The following SCHIP1 variants were observed in gnomAD, a reference collection of about 807,000 sequenced individuals.
The protein encoded by SCHIP1 is schwannomin-interacting protein 1.
Under a neutral mutation model 29.7 loss-of-function variants are expected in SCHIP1, and 8 were observed. The ratio of observed to expected loss-of-function variants is 0.27; its 90% CI spans 0.16 to 0.49. The LOEUF (loss-of-function observed/expected upper bound fraction) is 0.49, where lower values mean the gene tolerates loss of function less well. SCHIP1 is among the 20% of genes least tolerant of loss of function. The pLI is 0.99. For synonymous variants in SCHIP1, 76 were observed against 94.9 expected, an observed-to-expected ratio of 0.80 and a Z score of 1.16; for missense variants, 193 against 294.6, an observed-to-expected ratio of 0.66 and a Z score of 2.52.
intron 1 of SCHIP1, among the ~76,000 whole-genome samples, chr3:159,860,739 A>G (rs1369142776): frequency 6.6e-6 from 1 of 152,176 alleles, no homozygotes; most frequent in African/African-American, 2.4e-5. Context: ...CCTTCCCACA[A>G]CTGAATCTTG....
the SCHIP1 span, among the ~76,000 whole-genome samples, chr3:159,293,760 T>C: frequency 6.6e-6 from 1 of 152,134 alleles, no homozygotes; most frequent in Admixed American, 6.5e-5. Flanking sequence ...TCAAGATGTC[T>C]TTCAGACAAT....
At chr3:159,404,419 C>G in the SCHIP1 span, among the ~76,000 whole-genome samples, 1 of 152,238 alleles carries the variant, frequency 6.6e-6, no homozygotes, top group African/African-American at 2.4e-5. Context: ...CTGAAGGGAG[C>G]GTCCTAGGCC....
At chr3:159,540,228 T>A in the SCHIP1 span, among the ~76,000 whole-genome samples, 1 of 151,908 alleles carries the variant, frequency 6.6e-6, no homozygotes. Context: ...CTGATGTTTT[T>A]TAAAAAAGAG....
the SCHIP1 span, among the ~76,000 whole-genome samples, chr3:159,287,487 G>T: frequency 1.3e-5 from 2 of 151,742 alleles, no homozygotes; most frequent in African/African-American, 2.4e-5. Flanking sequence ...AATTTGTGTT[G>T]AAGAAAATTT....
the SCHIP1 span, among the ~76,000 whole-genome samples, chr3:159,417,950 G>T: frequency 9.9e-5 from 15 of 152,104 alleles, 1 homozygote; most frequent in African/African-American, 3.1e-4. Flanking sequence ...CCAACAGCCT[G>T]CCAACAACAT....
the SCHIP1 span, among the ~76,000 whole-genome samples, chr3:159,580,421 G>C: frequency 6.6e-6 from 1 of 152,174 alleles, no homozygotes; most frequent in Non-Finnish European, 1.5e-5. Flanking sequence ...CTTTCAACTG[G>C]AGGAAGAAGC....
chr3:159,562,994 A>G, the SCHIP1 span, among the ~76,000 whole-genome samples: 8 of 152,328 alleles, frequency 5.3e-5, 1 homozygote, highest in Middle Eastern at 6.8e-3. Context: ...TACCTTTCTC[A>G]TGGAAACTTA....
At chr3:159,481,109 T>A in the SCHIP1 span, among the ~76,000 whole-genome samples, 1 of 152,160 alleles carries the variant, frequency 6.6e-6, no homozygotes, top group Non-Finnish European at 1.5e-5. Context: ...GATTCTTCAG[T>A]TACTTCAGGC....
the SCHIP1 span, among the ~76,000 whole-genome samples, chr3:159,581,276 G>A: frequency 6.6e-6 from 1 of 152,144 alleles, no homozygotes; most frequent in African/African-American, 2.4e-5. Context: ...TGAGTTTCCT[G>A]GATTTTCTGT....
chr3:159,733,253 T>C, the SCHIP1 span, among the ~76,000 whole-genome samples: 448 of 152,286 alleles, frequency 2.9e-3, 2 homozygotes, highest in African/African-American at 0.01. Flanking sequence ...TGGAGCCTGG[T>C]ACAATATTAA....
the SCHIP1 span, among the ~76,000 whole-genome samples, chr3:159,526,453 G>T: frequency 6.6e-6 from 1 of 152,172 alleles, no homozygotes; most frequent in East Asian, 1.9e-4. Flanking sequence ...ACAGGAATGA[G>T]CCACCATACC....
chr3:159,714,967 G>A, the SCHIP1 span, among the ~76,000 whole-genome samples: 1 of 152,204 alleles, frequency 6.6e-6, no homozygotes, highest in Non-Finnish European at 1.5e-5. Flanking sequence ...CCTAACCCCC[G>A]AGTAGCCTAA....
chr3:159,443,657 C>T, the SCHIP1 span, among the ~76,000 whole-genome samples: 3 of 152,116 alleles, frequency 2.0e-5, no homozygotes, highest in Non-Finnish European at 2.9e-5. Flanking sequence ...TACAGGCACA[C>T]ACCACCATGC....
the SCHIP1 span, among the ~76,000 whole-genome samples, chr3:159,653,469 C>A: frequency 7.3e-5 from 11 of 151,274 alleles, no homozygotes; most frequent in African/African-American, 2.4e-4. Flanking sequence ...CCATCATTCT[C>A]AGCATACTAA....
At chr3:159,549,463 G>A in the SCHIP1 span, among the ~76,000 whole-genome samples, 1 of 152,126 alleles carries the variant, frequency 6.6e-6, no homozygotes, top group Non-Finnish European at 1.5e-5. Context: ...GTTCATAAGG[G>A]TGAGGCCCTT....
chr3:159,333,658 GC>G, the SCHIP1 span, among the ~76,000 whole-genome samples: 2 of 152,202 alleles, frequency 1.3e-5, no homozygotes, highest in African/African-American at 4.8e-5. Flanking sequence ...ACACATATGG[GC>G]CTTCTTACAA....
At chr3:159,737,893 C>T in the SCHIP1 span, among the ~76,000 whole-genome samples, 1 of 151,968 alleles carries the variant, frequency 6.6e-6, no homozygotes, top group Non-Finnish European at 1.5e-5. Flanking sequence ...GAGTGGAGAG[C>T]GGCAATGGGT....
the SCHIP1 span, among the ~76,000 whole-genome samples, chr3:159,337,251 GC>G: frequency 6.6e-6 from 1 of 152,022 alleles, no homozygotes; most frequent in Non-Finnish European, 1.5e-5. Flanking sequence ...TACTGAATGG[GC>G]AAAAACTGGA....
the SCHIP1 span, among the ~76,000 whole-genome samples, chr3:159,372,806 T>G: frequency 3.4e-5 from 5 of 145,052 alleles, no homozygotes; most frequent in Non-Finnish European, 5.9e-5. Flanking sequence ...AAATAAAACT[T>G]TCTTCAAACA....
Sources: gnomAD v4.1 joint callset for allele counts (sites outside exome capture counted in the v4.1 genomes callset) on GRCh38, gnomAD v4.1.1 for gene constraint, MANE v1.5 for transcripts, NCBI Gene and HGNC (gene_info 2026-07-23, HGNC 2026-07-21) for gene names.